GRHL1: variants seen among roughly 807,000 people sequenced by gnomAD.
GRHL1 encodes the protein grainyhead like transcription factor 1.
In GRHL1, 38 loss-of-function variants were observed where a neutral mutation model predicts 75.7. That is an observed-to-expected ratio of 0.50 (90% CI 0.39 to 0.66). GRHL1 has a LOEUF of 0.66. Among genes scored for constraint, GRHL1 ranks in the 30% least tolerant of loss-of-function variants. GRHL1 has a pLI of 0.00. For synonymous variants in GRHL1, 266 were observed against 279.4 expected (o/e 0.95, Z 0.48); for missense variants, 589 against 767.5 (o/e 0.77, Z 2.75).
chr2:9,959,574 A>G (rs1667179096), intron 3 of GRHL1: 1 of 152,198 alleles, frequency 6.6e-6, no homozygotes, highest in East Asian at 1.9e-4. Context: ...TTTAATCTTC[A>G]TAATTATCCT....
intron 9 of GRHL1, among the ~76,000 whole-genome samples, chr2:9,986,972 T>C (rs1187168633): frequency 6.6e-6 from 1 of 151,474 alleles, no homozygotes. Flanking sequence ...CTTCCCAAAA[T>C]GTAAAACAGC....
At position 9,961,130 on chromosome 2, in the gene GRHL1, C is replaced by T; in HGVS notation, c.363C>T (p.Asn121=). The change falls in exon 4 of 16, where the codon AAC becomes AAT. Residue 121 remains asparagine, a synonymous_variant. Transcript: ENST00000324907. ...AAGTACTGAAAAATGTGCCATTTAA[C>T]ATTGTCCTTCCCCATGGCAACCAGC... is the stretch of plus-strand genomic sequence containing the variant. ...RVQVLKNVPF[N]IVLPHGNQLG... is the part of the protein sequence containing the mutation. 6.2e-7 allele frequency: 1 copy of T among 1,605,562 alleles called. No homozygotes were observed. The highest frequency in any genetic ancestry group is 8.5e-7 in the Non-Finnish European group (1 of 1,175,404).
At position 9,964,390 on chromosome 2, in the gene GRHL1, A is replaced by G. The variant is rs578124235; in HGVS notation, c.1015+44A>G. The G allele has an allele frequency of 4.9e-5, 51 of 1,030,700 alleles. No individual in the cohort carries two copies. In the East Asian group the frequency reaches 1.2e-3, roughly 24 times the overall value. 63.8% of individuals were successfully genotyped at this position (1,030,700 alleles called of 1,614,324 possible). On this transcript the variant is annotated intron_variant, in intron 7 of 15. Coordinates refer to ENST00000324907, the MANE Select transcript of GRHL1 (RefSeq NM_198182.3). The stretch of plus-strand genomic sequence containing the variant: ...CGCTTTTATTCCCAGAGGTGCAGCC[A>G]TCCAGTTTTCTAAATCCAATTATTT...
At chr2:9,977,978 C>T (rs1345056292) in intron 8 of GRHL1, among the ~76,000 whole-genome samples, 1 of 152,200 alleles carries the variant, frequency 6.6e-6, no homozygotes, top group Admixed American at 6.5e-5. Context: ...TCCTCCATGG[C>T]GGCCGGCGAG....
Position 9,974,504 on chromosome 2 carries a change from T to C in GRHL1, c.1110+9123T>C, listed in dbSNP as rs549076279. Among the ~76,000 whole-genome samples, 46 of 152,240 alleles carry C rather than the reference T, an allele frequency of 3.0e-4. No homozygotes were observed. In the East Asian group the frequency reaches 8.7e-3, roughly 29 times the overall value. On this transcript the variant is annotated intron_variant, in intron 8 of 15. Transcript: ENST00000324907. ...CTTGAAGCTTTTGAGTTGGGCGTGA[T>C]AATACACACATGACAGCAGGCGATA...
intron 7 of GRHL1, 185 bp downstream of exon 7, chr2:9,964,531 A>G (rs1048151083): frequency 1.8e-6 from 1 of 542,468 alleles, no homozygotes; most frequent in Admixed American, 3.5e-5. Flanking sequence ...GCTCCCATGC[A>G]GTAATGGGAC....
chr2:9,975,712 T>C lies in GRHL1; in HGVS notation c.1110+10331T>C, dbSNP rs562545477. Among the ~76,000 whole-genome samples, 58 of 147,208 alleles carry C rather than the reference T, an allele frequency of 3.9e-4. 1 individual carries two copies. The highest frequency in any genetic ancestry group is 2.8e-3 in the South Asian group (13 of 4,636). On this transcript the variant is annotated intron_variant, in intron 8 of 15. Coordinates refer to ENST00000324907, the MANE Select transcript of GRHL1 (RefSeq NM_198182.3). Reference sequence around the variant, plus strand: ...GACCAACGTGGTGAAACTCCGTCTCTAGTAAATACAAAAAAAAAAAAAAAT... The same window carrying C: ...GACCAACGTGGTGAAACTCCGTCTCCAGTAAATACAAAAAAAAAAAAAAAT...
At chr2:9,956,515 G>T (rs1441163590) in intron 2 of GRHL1, among the ~76,000 whole-genome samples, 2 of 145,866 alleles carry the variant, frequency 1.4e-5, no homozygotes, top group African/African-American at 2.7e-5. Context: ...GACAGAGACA[G>T]ACCCTATCTC....
Position 9,998,654 on chromosome 2 carries a change from A to G in GRHL1, c.1678-311A>G, listed in dbSNP as rs1289521493. ...TACATATATATGTACACATATACAT[A>G]TACATATATATGTACACATATATAT... is the stretch of plus-strand genomic sequence containing the variant. On this transcript the variant is annotated intron_variant, in intron 14 of 15. Coordinates refer to ENST00000324907, the MANE Select transcript of GRHL1 (RefSeq NM_198182.3). 1.1e-4 allele frequency among the ~76,000 whole-genome samples: 6 copies of G among 54,756 alleles called. 2 individuals are homozygous for G. The highest frequency in any genetic ancestry group is 1.6e-4 in the Non-Finnish European group (5 of 32,240). The allele number at this position is 54,756 out of a possible 152,430, so 35.9% of individuals were successfully genotyped here. A position where few individuals can be genotyped will look rare whatever the true frequency, so the allele number is the denominator to read the frequency against.
chr2:9,963,230 A>G (rs1667347782), intron 5 of GRHL1, among the ~76,000 whole-genome samples: 1 of 152,242 alleles, frequency 6.6e-6, no homozygotes, highest in Non-Finnish European at 1.5e-5. Flanking sequence ...TAAATATTTC[A>G]GGCTTTGTGG....
In GRHL1 at chr2:9,951,842, G is replaced by A. The variant is rs773457452; in HGVS notation, c.9G>A (p.Gln3=). 19 of 1,515,730 alleles carry A rather than the reference G, an allele frequency of 1.3e-5. No homozygotes were observed. The South Asian group carries it at 1.9e-4, about 15-fold the overall frequency. The allele number at this position is 1,515,730 out of a possible 1,614,324, so 93.9% of individuals were successfully genotyped here. The change falls in exon 1 of 16, where the codon CAG becomes CAA. Residue 3 remains glutamine (Q), a synonymous_variant. Coordinates refer to ENST00000324907, the MANE Select transcript of GRHL1 (RefSeq NM_198182.3). This position sits in a 1 kb window ranked among gnomAD's most constrained non-coding sequence, Gnocchi z 4.2. MT[Q]EYDNKRPVLV... ...AGCGGCGAGCGGGCGCGATGACACA[G>A]GAGTACGACAAGTGAGTGAGGCGCA...
At chr2:9,973,858 G>A (rs575577189) in intron 8 of GRHL1, among the ~76,000 whole-genome samples, 10 of 152,120 alleles carry the variant, frequency 6.6e-5, no homozygotes, top group Non-Finnish European at 1.5e-4. Context: ...CTGTGTCCAC[G>A]ACCGCTGCTA....
chr2:9,998,679 T>C (rs1455590358), intron 14 of GRHL1, among the ~76,000 whole-genome samples: 1 of 59,316 alleles, frequency 1.7e-5, no homozygotes, highest in Non-Finnish European at 2.9e-5. Flanking sequence ...CACATATATA[T>C]ACATATATAT....
chr2:9,991,913 T>A, intron 10 of GRHL1, 94 bp from the exon 11 acceptor site: 2 of 919,998 alleles, frequency 2.2e-6, no homozygotes, highest in Non-Finnish European at 1.6e-6. Flanking sequence ...ACTTGGAGTA[T>A]CTTACTCAGA....
intron 8 of GRHL1, among the ~76,000 whole-genome samples, chr2:9,972,853 G>T (rs982376462): frequency 6.6e-6 from 1 of 152,206 alleles, no homozygotes; most frequent in Non-Finnish European, 1.5e-5. Flanking sequence ...AGAACCGTGT[G>T]CAGGTACCTC....
rs770556382 is a variant in GRHL1, at chr2:10,000,633, T to G, written c.1783T>G (p.Ser595Ala). Residue 595 changes from serine (S) to alanine (A), a missense_variant, in exon 16 of 16, where the codon TCC becomes GCC. This residue lies in a region of GRHL1 where 192 missense variants were observed against 226.6 expected (regional missense o/e 0.85). Coordinates refer to ENST00000324907, the MANE Select transcript of GRHL1 (RefSeq NM_198182.3). Reference protein sequence around the residue: ...NMDDNIVKHYSNEDTFQLQIE... With the variant: ...NMDDNIVKHYANEDTFQLQIE... ...GGACGACAACATTGTGAAGCATTAC[T>G]CCAATGAGGACACCTTCCAGCTGCA... The G allele has an allele frequency of 2.5e-6, 4 of 1,613,346 alleles. No homozygotes were observed. The South Asian group carries it at 4.4e-5, about 18-fold the overall frequency.
rs749632075 is a variant in GRHL1 at position 9,998,625 on chromosome 2, C to CATAT, written c.1678-338_1678-335dup. On this transcript the variant is annotated intron_variant, in intron 14 of 15. Transcript: ENST00000324907. ...ATATATATATACATATATATGTACACATATACATATATATGTACACATATA... is the reference window on the plus strand; with the variant it reads ...ATATATATATACATATATATGTACACATATATATACATATATATGTACACATATA... Among the ~76,000 whole-genome samples, 19 of 25,526 alleles carry CATAT rather than the reference C, an allele frequency of 7.4e-4. 4 individuals carry two copies. The African/African-American group carries it at 7.5e-3, about 10-fold the overall frequency. The allele number at this position is 25,526 out of a possible 152,430, so 16.7% of individuals were successfully genotyped here.
chr2:10,000,571 G>A, intron 15 of GRHL1, 22 bp from the exon 16 acceptor site: 1 of 1,432,174 alleles, frequency 7.0e-7, no homozygotes, highest in Non-Finnish European at 9.9e-7. Context: ...GAAGTTGGTT[G>A]GTCTTGTCCC....
chr2:9,976,047 C>G (rs2125225497), intron 8 of GRHL1, among the ~76,000 whole-genome samples: 1 of 152,234 alleles, frequency 6.6e-6, no homozygotes, highest in East Asian at 1.9e-4. Flanking sequence ...AAAAGTAGCA[C>G]AAATACCACA....
Sources: gnomAD v4.1 joint callset for allele counts (sites outside exome capture counted in the v4.1 genomes callset) on GRCh38, gnomAD v4.1.1 for gene constraint, gnomAD v4.1.1 regional missense constraint, Gnocchi (gnomAD v3.1) non-coding constraint, MANE v1.5 for transcripts, NCBI Gene and HGNC (gene_info 2026-07-23, HGNC 2026-07-21) for gene names.